The following SLC35B4 variants were observed in gnomAD, a reference collection of about 807,000 sequenced individuals.
SLC35B4 encodes solute carrier family 35 member B4.
A neutral mutation model predicts 39.5 loss-of-function variants in SLC35B4; 28 were observed. The ratio of observed to expected loss-of-function variants is 0.71; its 90% confidence interval spans 0.53 to 0.97. The LOEUF is 0.97. Ranked by LOEUF, SLC35B4 falls within the 50% of genes least tolerant of loss-of-function variation. The pLI is 0.00. For missense variants in SLC35B4, 334 were observed against 414.3 expected (o/e 0.81, Z 1.68); for synonymous variants, 145 against 150.4 (o/e 0.96, Z 0.26).
At position 134,294,836 on chromosome 7, in the gene SLC35B4, GTTC is replaced by G. The variant is rs1563213427; in HGVS notation, c.990_992del (p.Lys330del). ...GTCTACGTACTCCAGACAGGCCTCA[GTTC>G]TTCTTGCTGTCCTTCTGAGGCTCAC... On this transcript the variant is annotated inframe_deletion, in exon 10 of 10. Coordinates refer to ENST00000378509, the MANE Select transcript of SLC35B4 (RefSeq NM_032826.5). 3.1e-6 allele frequency: 5 copies of G among 1,613,996 alleles called. No homozygotes were observed. The highest frequency in any genetic ancestry group is 1.3e-5 in the African/African-American group (1 of 75,016).
At chr7:134,315,200 T>C (rs1803945295) in intron 1 of SLC35B4, among the ~76,000 whole-genome samples, 1 of 152,226 alleles carries the variant, frequency 6.6e-6, no homozygotes, top group African/African-American at 2.4e-5. Context: ...GGAGCTTAGA[T>C]ATCTTGGGTC....
intron 1 of SLC35B4, among the ~76,000 whole-genome samples, chr7:134,312,767 C>A (rs78064532): frequency 6.6e-6 from 1 of 152,136 alleles, no homozygotes; most frequent in Non-Finnish European, 1.5e-5. Context: ...TTTCTAAAGA[C>A]GCTGAGGGTC....
rs768058873 is a variant in SLC35B4 at position 134,295,075 on chromosome 7, C to T, written c.754G>A (p.Val252Met). Reference sequence around the variant, plus strand: ...AGGATAAACACACCCCGGATGCACACGTACCTGGAGGAGTGGAGTCAAGGT... The same window carrying T: ...AGGATAAACACACCCCGGATGCACATGTACCTGGAGGAGTGGAGTCAAGGT... ...YLLMNIITQYVCIRGVFILTT... is the reference protein window; with the variant it reads ...YLLMNIITQYMCIRGVFILTT... The change falls in exon 10 of 10, where the codon GTG becomes ATG. Residue 252 changes from valine to methionine, a missense_variant. Val to Met is a conservative substitution (Grantham distance 21). Transcript: ENST00000378509. The T allele has an allele frequency of 1.5e-5, 24 of 1,613,868 alleles. No individual in the cohort carries two copies. Among genetic ancestry groups the T allele is most frequent in the Middle Eastern group, 1.7e-4 (1 of 6,020 alleles).
rs1354992454 is a variant in SLC35B4, at chr7:134,316,762, G to A, written c.-11C>T. On this transcript the variant is annotated 5_prime_UTR_variant, in exon 1 of 10. Transcript: ENST00000378509. ...CAAGGCCGGGCGCATGGCCGGTGCA[G>A]GGTTGGGGAAGCAAGCGCACAGAGT... The A allele has an allele frequency of 4.5e-6, 7 of 1,546,576 alleles. No individual in the cohort carries two copies. The African/African-American group carries it at 6.8e-5, about 15-fold the overall frequency.
At chr7:134,297,596 AAAAC>A (rs1319813151) in intron 8 of SLC35B4, among the ~76,000 whole-genome samples, 1 of 152,244 alleles carries the variant, frequency 6.6e-6, no homozygotes, top group Non-Finnish European at 1.5e-5. Flanking sequence ...AAAAAAGTAA[AAAAC>A]AAATATAAAA....
At chr7:134,306,853 G>A (rs902547020) in intron 2 of SLC35B4, 79 bp from the exon 3 acceptor site, 3 of 1,233,780 alleles carry the variant, frequency 2.4e-6, no homozygotes, top group Non-Finnish European at 3.4e-6. Flanking sequence ...TATATTTTTG[G>A]CTAAAAAGGC....
Position 134,316,846 on chromosome 7 carries a change from C to T in SLC35B4, c.-95G>A. ...GGCCTCCTGCCTCTTCGCTGCGCAGCACATCGCACCGTCCTGGAAAGCCGC... is the reference window on the plus strand; with the variant it reads ...GGCCTCCTGCCTCTTCGCTGCGCAGTACATCGCACCGTCCTGGAAAGCCGC... On this transcript the variant is annotated 5_prime_UTR_variant, in exon 1 of 10. Coordinates refer to ENST00000378509, the MANE Select transcript of SLC35B4 (RefSeq NM_032826.5). The T allele has an allele frequency of 7.9e-7, 1 of 1,270,256 alleles. No homozygotes were observed. The highest frequency in any genetic ancestry group is 1.1e-6 in the Non-Finnish European group (1 of 909,150). The allele number at this position is 1,270,256 out of a possible 1,614,324, so 78.7% of individuals were successfully genotyped here. A position where few individuals can be genotyped will look rare whatever the true frequency, so the allele number is the denominator to read the frequency against.
At chr7:134,300,719 C>A (rs1384664408) in intron 6 of SLC35B4, among the ~76,000 whole-genome samples, 4 of 152,078 alleles carry the variant, frequency 2.6e-5, no homozygotes, top group Non-Finnish European at 4.4e-5. Flanking sequence ...TTAGGATAAA[C>A]CCTCATAAGT....
intron 1 of SLC35B4, among the ~76,000 whole-genome samples, chr7:134,313,558 C>T (rs1042946826): frequency 6.6e-6 from 1 of 152,188 alleles, no homozygotes; most frequent in Non-Finnish European, 1.5e-5. Context: ...TCCATTACTA[C>T]CTATCTGCTC....
rs184446263 is a variant in SLC35B4, at chr7:134,297,531, A to G, written c.674-1065T>C. Among the ~76,000 whole-genome samples the G allele has an allele frequency of 2.4e-4, 36 of 152,328 alleles. 1 individual carries two copies. The highest frequency in any genetic ancestry group is 2.2e-3 in the Admixed American group (33 of 15,302). On this transcript the variant is annotated intron_variant, in intron 8 of 9. Transcript: ENST00000378509. ...ACTTTCATTAGAGGAGGCATTGTAC[A>G]TTTGATAAAAACAAAAATCATAGAG...
chr7:134,303,542 A>G (rs1333349039), intron 4 of SLC35B4, among the ~76,000 whole-genome samples: 1 of 152,204 alleles, frequency 6.6e-6, no homozygotes, highest in Non-Finnish European at 1.5e-5. Flanking sequence ...CAGGGAATTC[A>G]TAAGCCTCAG....
In SLC35B4 at chr7:134,300,184, C is replaced by G; in HGVS notation, c.565G>C (p.Gly189Arg). ...IFQETLYKRF[G>R]KHSKEALFYN... is the part of the protein sequence containing the mutation. The stretch of plus-strand genomic sequence containing the variant: ...AACAAAGCCTCCTTGGAGTGTTTCC[C>G]AAATCGTTTGTAGAGAGTCTCTTGG... The change falls in exon 7 of 10, where the codon GGG (glycine) becomes CGG (arginine). Residue 189 changes from glycine to arginine, a missense_variant. Coordinates refer to ENST00000378509, the MANE Select transcript of SLC35B4 (RefSeq NM_032826.5). 1 of 1,612,450 alleles carries G rather than the reference C, an allele frequency of 6.2e-7. No individual in the cohort carries two copies. The highest frequency in any genetic ancestry group is 8.5e-7 in the Non-Finnish European group (1 of 1,179,584).
intron 1 of SLC35B4, among the ~76,000 whole-genome samples, chr7:134,316,233 G>T (rs904933050): frequency 3.9e-5 from 6 of 152,210 alleles, no homozygotes; most frequent in Non-Finnish European, 7.3e-5. Flanking sequence ...CTCAAGTCCA[G>T]CCTGTGCCAT....
chr7:134,316,728 G>A lies in SLC35B4; in HGVS notation c.24C>T (p.Gly8=), dbSNP rs1414551007. Residue 8 remains glycine (G), a synonymous_variant, in exon 1 of 10, where the codon GGC becomes GGT. Transcript: ENST00000378509. ...TACTGCAGCAGCCTGCGAACACCAGGCCCACCGCCAAGGCCGGGCGCATGG... is the reference window on the plus strand; with the variant it reads ...TACTGCAGCAGCCTGCGAACACCAGACCCACCGCCAAGGCCGGGCGCATGG... The part of the protein sequence containing the change: MRPALAV[G]LVFAGCCSNV... 1.3e-6 allele frequency: 2 copies of A among 1,549,972 alleles called. No individual in the cohort carries two copies. Among genetic ancestry groups the A allele is most frequent in the Admixed American group, 3.9e-5 (2 of 51,008 alleles).
At chr7:134,305,795 C>T (rs917285248) in intron 3 of SLC35B4, among the ~76,000 whole-genome samples, 2 of 152,080 alleles carry the variant, frequency 1.3e-5, no homozygotes, top group Non-Finnish European at 2.9e-5. Context: ...CTCAGCCTCC[C>T]GAGTAGCTGG....
At chr7:134,309,884 TCTCCTGGAATGTTTATATATCC>T (rs1803795404) in intron 1 of SLC35B4, among the ~76,000 whole-genome samples, 2 of 152,258 alleles carry the variant, frequency 1.3e-5, no homozygotes, top group South Asian at 4.2e-4. Context: ...TATGCTCAGG[TCTCCTGGAATGTTTATATATCC>T]CTCCTGACCA....
intron 3 of SLC35B4, among the ~76,000 whole-genome samples, chr7:134,305,407 G>C (rs1236794190): frequency 6.6e-6 from 1 of 151,928 alleles, no homozygotes; most frequent in Non-Finnish European, 1.5e-5. Context: ...TCTCAATATA[G>C]TCATTATCAG....
chr7:134,302,446 T>C (rs373278437), intron 4 of SLC35B4, among the ~76,000 whole-genome samples: 7 of 152,322 alleles, frequency 4.6e-5, no homozygotes, highest in African/African-American at 1.7e-4. Context: ...CAGTCCTTAC[T>C]AGGATCTGTT....
At chr7:134,319,789 G>GA (rs1804065041), upstream of SLC35B4, among the ~76,000 whole-genome samples, 1 of 152,064 alleles carries the variant, frequency 6.6e-6, no homozygotes. Context: ...TTCTCTTTGG[G>GA]AAAAACCTGA....
Sources: gnomAD v4.1 joint callset for allele counts (sites outside exome capture counted in the v4.1 genomes callset) on GRCh38, gnomAD v4.1.1 for gene constraint, MANE v1.5 for transcripts, NCBI Gene and HGNC (gene_info 2026-07-23, HGNC 2026-07-21) for gene names.